The following LRRC4B variants were observed in gnomAD, a reference collection of about 807,000 sequenced individuals.
LRRC4B encodes leucine rich repeat containing 4B.
LRRC4B carries 1 observed loss-of-function variant against 7.3 expected under a neutral mutation model. The ratio of observed to expected loss-of-function variants is 0.14; its 90% CI spans 0.05 to 0.65. The LOEUF is 0.65. LRRC4B is among the 30% of genes least tolerant of loss of function. The pLI, the probability that LRRC4B is intolerant of heterozygous loss-of-function variation, is 0.84. For synonymous variants in LRRC4B, 500 were observed against 499.2 expected, an observed-to-expected ratio of 1.00 and a Z score of -0.02; for missense variants, 730 against 1,041.6, an observed-to-expected ratio of 0.70 and a Z score of 4.12.
At chr19:50,564,881 G>T (rs73932516) in intron 1 of LRRC4B, among the ~76,000 whole-genome samples, 3 of 17,954 alleles carry the variant, frequency 1.7e-4, no homozygotes, top group Admixed American at 8.7e-4. Context: ...GGCCACCCCC[G>T]CCCCCAATCC....
At chr19:50,566,337 G>A (rs1334249960) in intron 1 of LRRC4B, among the ~76,000 whole-genome samples, 6 of 151,786 alleles carry the variant, frequency 4.0e-5, no homozygotes, top group African/African-American at 7.2e-5. Context: ...GGGGCGCTGC[G>A]GAGGCGCCAC....
rs1980331380 is a variant in LRRC4B at position 50,517,615 on chromosome 19, A to C, written c.2098T>G (p.Phe700Val). ...GLNSIHEPLLFKSGSKENVQE... is the reference protein window; with the variant it reads ...GLNSIHEPLLVKSGSKENVQE... Reference sequence around the variant, plus strand: ...ACGTTCTCCTTGGAGCCGCTCTTGAAGAGCAGAGGTTCGTGGATGGAGTTG... The same window carrying C: ...ACGTTCTCCTTGGAGCCGCTCTTGACGAGCAGAGGTTCGTGGATGGAGTTG... Residue 700 changes from phenylalanine (F) to valine (V), a missense_variant, in exon 3 of 3, where the codon TTC becomes GTC. Physicochemically the swap from Phe to Val is conservative, Grantham distance 50. This residue lies in a region of LRRC4B where 160 missense variants were observed against 163.9 expected (regional missense o/e 0.98). Transcript: ENST00000652263. The surrounding 1 kb of genome is among the most constrained non-coding windows in gnomAD (Gnocchi z 6.6). The C allele has an allele frequency of 6.8e-7, 1 of 1,470,966 alleles. No homozygotes were observed. Among genetic ancestry groups the C allele is most frequent in the Non-Finnish European group, 9.0e-7 (1 of 1,112,694 alleles). The allele number at this position is 1,470,966 out of a possible 1,614,324, so 91.1% of individuals were successfully genotyped here. A position where few individuals can be genotyped will look rare whatever the true frequency, so the allele number is the denominator to read the frequency against.
chr19:50,567,065 C>T (rs991400293), intron 1 of LRRC4B, among the ~76,000 whole-genome samples: 1 of 144,916 alleles, frequency 6.9e-6, no homozygotes, highest in African/African-American at 2.6e-5. Context: ...GAGCAGATGC[C>T]GTGTCTTAGA....
At chr19:50,524,301 A>G (rs1980707798) in intron 2 of LRRC4B, among the ~76,000 whole-genome samples, 1 of 152,202 alleles carries the variant, frequency 6.6e-6, no homozygotes, top group Non-Finnish European at 1.5e-5. Flanking sequence ...GCTGGAGTGC[A>G]GTGGCGCAGT....
rs1982523047 is a variant in LRRC4B at position 50,563,113 on chromosome 19, C to T, written c.-36+4831G>A. Among the ~76,000 whole-genome samples, 1 of 152,160 alleles carries T rather than the reference C, an allele frequency of 6.6e-6. No individual in the cohort carries two copies. Among genetic ancestry groups the T allele is most frequent in the Non-Finnish European group, 1.5e-5 (1 of 68,016 alleles). ...CACCCCCCATTCTCACTCTCAGCAG[C>T]CCTCCTGGGGAAACAGCAGTCCCCT... On this transcript the variant is annotated intron_variant, in intron 1 of 2. Coordinates refer to ENST00000652263, the MANE Select transcript of LRRC4B (RefSeq NM_001080457.2). This position sits in a 1 kb window ranked among gnomAD's most constrained non-coding sequence, Gnocchi z 4.9.
Position 50,519,065 on chromosome 19 carries a change from C to T in LRRC4B, c.648G>A (p.Met216Ile). 1 of 1,609,486 alleles carries T rather than the reference C, an allele frequency of 6.2e-7. No individual in the cohort carries two copies. Among genetic ancestry groups the T allele is most frequent in the Non-Finnish European group, 8.5e-7 (1 of 1,179,914 alleles). Residue 216 changes from methionine to isoleucine, a missense_variant, in exon 3 of 3, where the codon ATG becomes ATA. This residue lies in a region of LRRC4B where 226 missense variants were observed against 448.0 expected (regional missense o/e 0.50). Transcript: ENST00000652263. The surrounding 1 kb of genome is among the most constrained non-coding windows in gnomAD (Gnocchi z 8.1). ...GGTTGGGGATGTCCTTGAGGTTGCA[C>T]ATGCCCAGGTTGAGGTAGCGCAGGT... ...LVNLRYLNLG[M>I]CNLKDIPNLT...
At chr19:50,525,819 C>G (rs1211611107) in intron 2 of LRRC4B, among the ~76,000 whole-genome samples, 3 of 152,116 alleles carry the variant, frequency 2.0e-5, no homozygotes, top group Non-Finnish European at 2.9e-5. Flanking sequence ...CTCTCCATGC[C>G]AATGGCCCCA....
intron 2 of LRRC4B, among the ~76,000 whole-genome samples, chr19:50,538,559 GTTTTTTTTTTTT>G (rs71886675): frequency 2.8e-4 from 25 of 90,352 alleles, no homozygotes; most frequent in Non-Finnish European, 4.9e-4. Context: ...GTTTTGTCTT[GTTTTTTTTTTTT>G]TTTTTTTTTT....
intron 2 of LRRC4B, among the ~76,000 whole-genome samples, chr19:50,525,911 T>C (rs773437725): frequency 3.9e-5 from 6 of 152,144 alleles, no homozygotes; most frequent in Non-Finnish European, 7.4e-5. Context: ...ATCCCAGCTA[T>C]TTGGGAGGCT....
chr19:50,529,323 T>C (rs1221626684), intron 2 of LRRC4B, among the ~76,000 whole-genome samples: 1 of 152,050 alleles, frequency 6.6e-6, no homozygotes, highest in Non-Finnish European at 1.5e-5. Context: ...TTCCCAAACA[T>C]AATACACATG....
At chr19:50,530,312 C>T (rs1268463797) in intron 2 of LRRC4B, among the ~76,000 whole-genome samples, 1 of 152,334 alleles carries the variant, frequency 6.6e-6, no homozygotes, top group African/African-American at 2.4e-5. Flanking sequence ...CCTGCCTGGG[C>T]ATCTGCCTTT....
rs1390402970 is a variant in LRRC4B at position 50,518,305 on chromosome 19, CGCCCCCGCCGCTGCCGGT to C, written c.1390_1407del (p.Thr464_Gly469del). The C allele has an allele frequency of 1.2e-6, 2 of 1,601,284 alleles. No individual in the cohort carries two copies. The highest frequency in any genetic ancestry group is 1.7e-6 in the Non-Finnish European group (2 of 1,174,536). On this transcript the variant is annotated inframe_deletion, in exon 3 of 3. Coordinates refer to ENST00000652263, the MANE Select transcript of LRRC4B (RefSeq NM_001080457.2). ...CCAACACCACCACTGCCCCCAGGGC[CGCCCCCGCCGCTGCCGGT>C]GCCCCCGGCCGCCACGGGGTCCACG...
intron 1 of LRRC4B, 138 bp downstream of exon 1, chr19:50,567,806 C>T (rs1203536268): frequency 1.6e-5 from 2 of 121,226 alleles, no homozygotes; most frequent in East Asian, 2.3e-4. Flanking sequence ...GGCCCCGCCC[C>T]CTGTCCTCTG....
chr19:50,524,212 A>G (rs974121116), intron 2 of LRRC4B, among the ~76,000 whole-genome samples: 3 of 152,098 alleles, frequency 2.0e-5, no homozygotes, highest in African/African-American at 7.2e-5. Context: ...GTGCTGTCCA[A>G]TAGAAATAGA....
intron 2 of LRRC4B, among the ~76,000 whole-genome samples, chr19:50,527,348 CTTTTT>C (rs59423387): frequency 0.013 from 1,584 of 124,478 alleles, 34 homozygotes; most frequent in African/African-American, 0.046. Context: ...TTTCTTTTTT[CTTTTT>C]TTTTTTTTTT....
intron 2 of LRRC4B, among the ~76,000 whole-genome samples, chr19:50,522,755 G>A (rs1272561425): frequency 2.0e-5 from 3 of 152,194 alleles, no homozygotes; most frequent in Admixed American, 6.5e-5. Flanking sequence ...TGGGATTACC[G>A]GCGTGAGCCA....
Position 50,518,581 on chromosome 19 carries a change from C to T in LRRC4B, c.1132G>A (p.Gly378Ser). 6.3e-7 allele frequency: 1 copy of T among 1,594,570 alleles called. No individual in the cohort carries two copies. Among genetic ancestry groups the T allele is most frequent in the Non-Finnish European group, 8.6e-7 (1 of 1,168,036 alleles). ...CGGCATTTGAGCTCGGCAGCCATGC[C>T]CTCGGTGACGTTGAGGTCCGTGGGC... ...EPPTDLNVTEGMAAELKCRTG... is the reference protein window; with the variant it reads ...EPPTDLNVTESMAAELKCRTG... The change falls in exon 3 of 3, where the codon GGC becomes AGC. Residue 378 changes from glycine (G) to serine (S), a missense_variant. Transcript: ENST00000652263.
At chr19:50,545,887 C>T (rs1308066953) in intron 2 of LRRC4B, among the ~76,000 whole-genome samples, 1 of 151,964 alleles carries the variant, frequency 6.6e-6, no homozygotes, top group South Asian at 2.1e-4. Flanking sequence ...CCATACCTGG[C>T]TAATTTTTGG....
At chr19:50,528,783 G>A (rs1246355059) in intron 2 of LRRC4B, among the ~76,000 whole-genome samples, 1 of 152,178 alleles carries the variant, frequency 6.6e-6, no homozygotes, top group African/African-American at 2.4e-5. Context: ...GCTGGTGGGG[G>A]CTCAGCCTGC....
Sources: allele counts gnomAD v4.1 joint callset (sites outside exome capture counted in the v4.1 genomes callset), GRCh38; gene constraint gnomAD v4.1.1; regional missense constraint gnomAD v4.1.1; non-coding constraint Gnocchi (gnomAD v3.1); transcripts MANE v1.5; gene names NCBI Gene and HGNC (gene_info 2026-07-23, HGNC 2026-07-21).